Variants in PACRG observed in about 807,000 individuals in gnomAD.
PACRG encodes parkin coregulated.
PACRG carries 29 observed loss-of-function variants against 29.7 expected under a neutral mutation model. That is an observed-to-expected ratio of 0.98 (90% confidence interval 0.73 to 1.33). PACRG has a LOEUF of 1.33. Among genes scored for constraint, PACRG ranks in the 40% most tolerant of loss-of-function variants. The pLI, the probability that PACRG is intolerant of heterozygous loss-of-function variation, is 0.00. For synonymous variants in PACRG, 116 were observed against 118.7 expected (o/e 0.98, Z 0.15); for missense variants, 279 against 316.2 (o/e 0.88, Z 0.89).
At chr6:163,264,537 C>A (rs1783455222) in intron 4 of PACRG, among the ~76,000 whole-genome samples, 1 of 152,170 alleles carries the variant, frequency 6.6e-6, no homozygotes, top group African/African-American at 2.4e-5. Flanking sequence ...GGCGACAGAG[C>A]GGTCACAGGT....
In PACRG at chr6:162,747,376, AT is replaced by A. The variant is rs1487602414; in HGVS notation, c.156+18986del. Reference sequence around the variant, plus strand: ...TATATATATATATACACATACATATATATGTATATATATGTATATATATATG... The same window carrying A: ...TATATATATATATACACATACATATAATGTATATATATGTATATATATATG... On this transcript the variant is annotated intron_variant, in intron 1 of 4. Transcript: ENST00000366888. Among the ~76,000 whole-genome samples the A allele has an allele frequency of 4.7e-4, 32 of 68,664 alleles. 3 individuals carry two copies. Among genetic ancestry groups the A allele is most frequent in the Admixed American group, 1.5e-3 (9 of 6,052 alleles). 45.0% of individuals were successfully genotyped at this position (68,664 alleles called of 152,430 possible). A position where few individuals can be genotyped will look rare whatever the true frequency, so the allele number is the denominator to read the frequency against.
chr6:162,751,086 T>C (rs2128279597), intron 1 of PACRG, among the ~76,000 whole-genome samples: 1 of 152,298 alleles, frequency 6.6e-6, no homozygotes, highest in Admixed American at 6.5e-5. Context: ...TAGTCAAAGA[T>C]GTTTCCAAGC....
rs148769260 is a variant in PACRG, at chr6:162,877,214, A to C, written c.291+62933A>C. On this transcript the variant is annotated intron_variant, in intron 2 of 4. Coordinates refer to ENST00000366888, the MANE Select transcript of PACRG (RefSeq NM_001080379.2). ...TGCCCATCAGCGATAGACTAGATAA[A>C]GAAAATGTGGCACATATACACTGTG... Among the ~76,000 whole-genome samples, 205 of 152,330 alleles carry C rather than the reference A, an allele frequency of 1.3e-3. 2 individuals are homozygous for C. The highest frequency in any genetic ancestry group is 4.5e-3 in the African/African-American group (188 of 41,574).
intron 2 of PACRG, among the ~76,000 whole-genome samples, chr6:162,966,785 A>G (rs903124254): frequency 6.6e-5 from 10 of 151,464 alleles, no homozygotes; most frequent in Non-Finnish European, 1.0e-4. Flanking sequence ...CCCGACATGT[A>G]TTTTTATATA....
intron 1 of PACRG, among the ~76,000 whole-genome samples, chr6:162,797,698 A>T (rs576610231): frequency 2.1e-3 from 325 of 152,236 alleles, no homozygotes; most frequent in East Asian, 0.011. Context: ...TTCAATTATG[A>T]TAAGGTAGCA....
Position 162,947,627 on chromosome 6 carries a change from T to TATATAATC in PACRG, c.292-114518_292-114517insATCATATA, listed in dbSNP as rs1554313427. ...ATATATAATCATATATATATATATA[T>TATATAATC]ATATATATATATATATATATACACC... is the stretch of plus-strand genomic sequence containing the variant. On this transcript the variant is annotated intron_variant, in intron 2 of 4. Coordinates refer to ENST00000366888, the MANE Select transcript of PACRG (RefSeq NM_001080379.2). 8.2e-5 allele frequency among the ~76,000 whole-genome samples: 5 copies of TATATAATC among 61,114 alleles called. 1 individual carries two copies. Among genetic ancestry groups the TATATAATC allele is most frequent in the African/African-American group, 3.2e-4 (5 of 15,448 alleles). The allele number at this position is 61,114 out of a possible 152,430, so 40.1% of individuals were successfully genotyped here. A position where few individuals can be genotyped will look rare whatever the true frequency, so the allele number is the denominator to read the frequency against.
At chr6:162,912,718 C>T (rs1409112168) in intron 2 of PACRG, among the ~76,000 whole-genome samples, 2 of 151,522 alleles carry the variant, frequency 1.3e-5, no homozygotes, top group Non-Finnish European at 2.9e-5. Flanking sequence ...ATTACAGGCA[C>T]GTGCCACCAC....
chr6:163,296,945 C>T (rs973298387), intron 4 of PACRG, among the ~76,000 whole-genome samples: 7 of 152,170 alleles, frequency 4.6e-5, no homozygotes, highest in Non-Finnish European at 7.3e-5. Context: ...CAGATAATTT[C>T]GAACTTAAGA....
chr6:162,926,783 A>G (rs1399730966), intron 2 of PACRG, among the ~76,000 whole-genome samples: 1 of 152,256 alleles, frequency 6.6e-6, no homozygotes, highest in Non-Finnish European at 1.5e-5. Flanking sequence ...AGCAATTGCA[A>G]CAAAAGCAAA....
chr6:162,779,624 T>G (rs922177517), intron 1 of PACRG, among the ~76,000 whole-genome samples: 1 of 152,216 alleles, frequency 6.6e-6, no homozygotes, highest in African/African-American at 2.4e-5. Flanking sequence ...CAGATGAGTC[T>G]TGGAGCTTGG....
At chr6:163,199,493 A>T (rs1780608923) in intron 4 of PACRG, among the ~76,000 whole-genome samples, 1 of 152,130 alleles carries the variant, frequency 6.6e-6, no homozygotes, top group Non-Finnish European at 1.5e-5. Context: ...TTGCCTGGGG[A>T]GGAAACCCAG....
intron 2 of PACRG, among the ~76,000 whole-genome samples, chr6:162,970,112 G>GC (rs1444472017): frequency 6.6e-6 from 1 of 152,186 alleles, no homozygotes; most frequent in African/African-American, 2.4e-5. Flanking sequence ...TGCAAATAGT[G>GC]CCTTCTCATG....
At chr6:162,910,507 G>T (rs1266041960) in intron 2 of PACRG, among the ~76,000 whole-genome samples, 1 of 152,060 alleles carries the variant, frequency 6.6e-6, no homozygotes, top group Non-Finnish European at 1.5e-5. Context: ...CCTTCAGATA[G>T]TTGAACATAG....
At chr6:162,741,222 C>T (rs1321009928) in intron 1 of PACRG, among the ~76,000 whole-genome samples, 1 of 152,120 alleles carries the variant, frequency 6.6e-6, no homozygotes, top group African/African-American at 2.4e-5. Context: ...GGTACTATTG[C>T]TAGGGTAGTC....
chr6:162,776,514 A>G (rs574308308), intron 1 of PACRG, among the ~76,000 whole-genome samples: 3 of 152,312 alleles, frequency 2.0e-5, no homozygotes, highest in Admixed American at 2.0e-4. Flanking sequence ...CTCTGGGATT[A>G]AAGATAGCGT....
chr6:163,285,352 C>T (rs974076980), intron 4 of PACRG, among the ~76,000 whole-genome samples: 17 of 152,114 alleles, frequency 1.1e-4, no homozygotes, highest in Non-Finnish European at 2.2e-4. Flanking sequence ...CCCACTCGGG[C>T]AGCACCCCCA....
At chr6:162,855,510 A>G (rs1393423449) in intron 2 of PACRG, among the ~76,000 whole-genome samples, 5 of 152,212 alleles carry the variant, frequency 3.3e-5, no homozygotes, top group Non-Finnish European at 5.9e-5. Context: ...AGAAAAAAAA[A>G]TGGAGAAAGA....
chr6:162,791,977 T>C lies in PACRG; in HGVS notation c.157-22170T>C, dbSNP rs2128327696. Among the ~76,000 whole-genome samples the C allele has an allele frequency of 2.6e-5, 4 of 152,240 alleles. No individual in the cohort carries two copies. In the Middle Eastern group the frequency reaches 0.014, roughly 518 times the overall value. ...CTTCCGAAGTCCCCTTTATGTTATT[T>C]CTATTCAATGACTAGGAGCAAGAAC... On this transcript the variant is annotated intron_variant, in intron 1 of 4. Coordinates refer to ENST00000366888, the MANE Select transcript of PACRG (RefSeq NM_001080379.2).
At position 162,751,975 on chromosome 6, in the gene PACRG, C is replaced by T. The variant is rs1489452674; in HGVS notation, c.156+23584C>T. 3.9e-5 allele frequency among the ~76,000 whole-genome samples: 6 copies of T among 152,086 alleles called. No homozygotes were observed. The South Asian group carries it at 8.3e-4, about 21-fold the overall frequency. ...TTTCTATGTTGAACTATAATTTTTA[C>T]ATGGAATGAAATTAGTTTCCATTTT... On this transcript the variant is annotated intron_variant, in intron 1 of 4. Coordinates refer to ENST00000366888, the MANE Select transcript of PACRG (RefSeq NM_001080379.2).
Sources: gnomAD v4.1 joint callset for allele counts (sites outside exome capture counted in the v4.1 genomes callset) on GRCh38, gnomAD v4.1.1 for gene constraint, MANE v1.5 for transcripts, NCBI Gene and HGNC (gene_info 2026-07-23, HGNC 2026-07-21) for gene names.